The following DUSP10 variants were observed in gnomAD, a reference collection of about 807,000 sequenced individuals.
DUSP10 encodes the protein dual specificity phosphatase 10, also known as dual specificity protein phosphatase 10.
DUSP10 carries 14 observed loss-of-function variants against 30.8 expected under a neutral mutation model. The ratio of observed to expected loss-of-function variants is 0.46; its 90% CI spans 0.30 to 0.71. DUSP10 has a LOEUF of 0.71. Among genes scored for constraint, DUSP10 ranks in the 30% least tolerant of loss-of-function variants. The pLI is 0.08. For synonymous variants in DUSP10, 254 were observed against 250.4 expected, an observed-to-expected ratio of 1.01 and a Z score of -0.14; for missense variants, 550 against 619.4, an observed-to-expected ratio of 0.89 and a Z score of 1.19.
intron 2 of DUSP10, among the ~76,000 whole-genome samples, chr1:221,727,971 A>T (rs1231763227): frequency 6.6e-6 from 1 of 152,172 alleles, no homozygotes; most frequent in Non-Finnish European, 1.5e-5. Flanking sequence ...TTAAGAGGAG[A>T]TTAGGTCATG....
rs377489975 is a variant in DUSP10 at position 221,738,917 on chromosome 1, G to A, written c.811+17C>T. On this transcript the variant is annotated intron_variant, in intron 2 of 3. Coordinates refer to ENST00000366899, the MANE Select transcript of DUSP10 (RefSeq NM_007207.6). ...GGCTAATCAGGACCGTGCTTGGGAA[G>A]GGAGCAGGGGCATTACCTTTCAACA... 7 of 1,579,718 alleles carry A rather than the reference G, an allele frequency of 4.4e-6. No homozygotes were observed. The highest frequency in any genetic ancestry group is 2.2e-5 in the East Asian group (1 of 44,690).
At chr1:221,717,232 C>A (rs1449025962) in intron 2 of DUSP10, among the ~76,000 whole-genome samples, 1 of 152,064 alleles carries the variant, frequency 6.6e-6, no homozygotes, top group Non-Finnish European at 1.5e-5. Context: ...ACTCAGGGAA[C>A]CTCTGAGTGA....
intron 2 of DUSP10, among the ~76,000 whole-genome samples, chr1:221,733,271 G>A (rs1314527923): frequency 3.9e-5 from 6 of 152,242 alleles, no homozygotes; most frequent in Non-Finnish European, 7.3e-5. Flanking sequence ...AAAGGACCAA[G>A]TAGAAAAGTG....
At position 221,728,481 on chromosome 1, in the gene DUSP10, A is replaced by G. The variant is rs1353810568; in HGVS notation, c.811+10453T>C. On this transcript the variant is annotated intron_variant, in intron 2 of 3. Coordinates refer to ENST00000366899, the MANE Select transcript of DUSP10 (RefSeq NM_007207.6). ...GCCACACCTCCAGATTACCTGAGCT[A>G]TATTTGTAGGCTTAGACTGTAGAAG... is the stretch of plus-strand genomic sequence containing the variant. 3.3e-5 allele frequency among the ~76,000 whole-genome samples: 5 copies of G among 152,184 alleles called. No individual in the cohort carries two copies. In the East Asian group the frequency reaches 9.6e-4, roughly 29 times the overall value.
At chr1:221,737,244 G>T in intron 2 of DUSP10, 1 of 985,366 alleles carries the variant, frequency 1.0e-6, no homozygotes, top group Non-Finnish European at 1.2e-6. Flanking sequence ...AGACACAAAA[G>T]ACTTGCTTTT....
intron 3 of DUSP10, among the ~76,000 whole-genome samples, chr1:221,705,407 G>A (rs61820079): frequency 0.037 from 5,707 of 152,196 alleles, 200 homozygotes; most frequent in Non-Finnish European, 0.052. Context: ...CACCGCGCCC[G>A]GCGATATTTT....
chr1:221,721,748 A>G (rs551039592), intron 2 of DUSP10, among the ~76,000 whole-genome samples: 6 of 152,172 alleles, frequency 3.9e-5, no homozygotes, highest in Non-Finnish European at 8.8e-5. Flanking sequence ...TAGTCATGAA[A>G]GGGAAAAGAA....
chr1:221,708,578 A>G (rs1660835185), intron 2 of DUSP10, among the ~76,000 whole-genome samples: 1 of 152,218 alleles, frequency 6.6e-6, no homozygotes, highest in Non-Finnish European at 1.5e-5. Flanking sequence ...TCTAGAATTA[A>G]CCTCTGCCCT....
In DUSP10 at chr1:221,702,702, G is replaced by A; in HGVS notation, c.1184-25C>T. ...TCTGAAAAAAGGGAGAAAGACAAGAGATGAAGGGAAGATGGAAGAGAGAGG... is the reference window on the plus strand; with the variant it reads ...TCTGAAAAAAGGGAGAAAGACAAGAAATGAAGGGAAGATGGAAGAGAGAGG... On this transcript the variant is annotated intron_variant, in intron 3 of 3. Coordinates refer to ENST00000366899, the MANE Select transcript of DUSP10 (RefSeq NM_007207.6). This position sits in a 1 kb window ranked among gnomAD's most constrained non-coding sequence, Gnocchi z 4.5. 1 of 1,610,408 alleles carries A rather than the reference G, an allele frequency of 6.2e-7. No individual in the cohort carries two copies. The highest frequency in any genetic ancestry group is 8.5e-7 in the Non-Finnish European group (1 of 1,177,250).
At chr1:221,727,923 CTTAA>C (rs1474590834) in intron 2 of DUSP10, among the ~76,000 whole-genome samples, 4 of 152,090 alleles carry the variant, frequency 2.6e-5, no homozygotes, top group Non-Finnish European at 5.9e-5. Context: ...GTATTGGAAA[CTTAA>C]TTGTCACTGT....
At position 221,702,224 on chromosome 1, in the gene DUSP10, A is replaced by G. The variant is rs1393259151; in HGVS notation, c.*188T>C. ...TAATTTGTCAGTTTGTGGGAGGTGA[A>G]TCTCAATGGCATCAAAAGTTATAGT... is the stretch of plus-strand genomic sequence containing the variant. On this transcript the variant is annotated 3_prime_UTR_variant, in exon 4 of 4. Coordinates refer to ENST00000366899, the MANE Select transcript of DUSP10 (RefSeq NM_007207.6). This position sits in a 1 kb window ranked among gnomAD's most constrained non-coding sequence, Gnocchi z 4.5. 1 of 628,554 alleles carries G rather than the reference A, an allele frequency of 1.6e-6. No homozygotes were observed. The highest frequency in any genetic ancestry group is 1.8e-5 in the African/African-American group (1 of 54,078). 38.9% of individuals were successfully genotyped at this position (628,554 alleles called of 1,614,324 possible). A position where few individuals can be genotyped will look rare whatever the true frequency, so the allele number is the denominator to read the frequency against.
At position 221,706,031 on chromosome 1, in the gene DUSP10, T is replaced by C. The variant is rs1277524252; in HGVS notation, c.1183+64A>G. On this transcript the variant is annotated intron_variant, in intron 3 of 3. Coordinates refer to ENST00000366899, the MANE Select transcript of DUSP10 (RefSeq NM_007207.6). This position sits in a 1 kb window ranked among gnomAD's most constrained non-coding sequence, Gnocchi z 4.6. ...ACAGGAATAAACCTTGAACTTGATA[T>C]CAAAGCAAGAGCTGGAGGGAAAAGG... 10 of 1,554,020 alleles carry C rather than the reference T, an allele frequency of 6.4e-6. No individual in the cohort carries two copies. Among genetic ancestry groups the C allele is most frequent in the Non-Finnish European group, 8.7e-6 (10 of 1,150,982 alleles).
At chr1:221,719,050 A>G (rs1406055997) in intron 2 of DUSP10, among the ~76,000 whole-genome samples, 2 of 152,210 alleles carry the variant, frequency 1.3e-5, no homozygotes. Context: ...AAAATGCTGC[A>G]TCTGAGTTTG....
chr1:221,724,017 T>G (rs1183544517), intron 2 of DUSP10, among the ~76,000 whole-genome samples: 1 of 152,198 alleles, frequency 6.6e-6, no homozygotes, highest in Non-Finnish European at 1.5e-5. Context: ...TAAACACAGG[T>G]GTGATCCAAG....
chr1:221,706,082 G>A lies in DUSP10; in HGVS notation c.1183+13C>T. ...AAGGCAGCGGATGAAAATTCCCTAT[G>A]GGAGATAGTTACCAATGAACTCAAA... On this transcript the variant is annotated intron_variant, in intron 3 of 3. Coordinates refer to ENST00000366899, the MANE Select transcript of DUSP10 (RefSeq NM_007207.6). The surrounding 1 kb of genome is among the most constrained non-coding windows in gnomAD (Gnocchi z 4.6). 6.2e-7 allele frequency: 1 copy of A among 1,609,098 alleles called. No individual in the cohort carries two copies. The highest frequency in any genetic ancestry group is 8.5e-7 in the Non-Finnish European group (1 of 1,176,740).
In DUSP10 at chr1:221,706,352, T is replaced by C; in HGVS notation, c.926A>G (p.Gln309Arg). 13 of 1,607,214 alleles carry C rather than the reference T, an allele frequency of 8.1e-6. No homozygotes were observed. Among genetic ancestry groups the C allele is most frequent in the Non-Finnish European group, 1.1e-5 (13 of 1,174,644 alleles). The change falls in exon 3 of 4, where the codon CAG becomes CGG. Residue 309 changes from glutamine to arginine, a missense_variant. Physicochemically the swap from Gln to Arg is conservative, Grantham distance 43. Coordinates refer to ENST00000366899, the MANE Select transcript of DUSP10 (RefSeq NM_007207.6). The surrounding 1 kb of genome is among the most constrained non-coding windows in gnomAD (Gnocchi z 4.6). ...GATGTCAGGGGTGGTGGGGATGGGC[T>C]GAGGTAGCAAGCTCGAGGCCGCGGA... ...GASAASSLLP[Q>R]PIPTTPDIEN...
At position 221,706,416 on chromosome 1, in the gene DUSP10, G is replaced by A. The variant is rs1191496975; in HGVS notation, c.862C>T (p.Leu288Phe). The A allele has an allele frequency of 1.9e-6, 3 of 1,548,700 alleles. No individual in the cohort carries two copies. Among genetic ancestry groups the A allele is most frequent in the East Asian group, 4.5e-5 (2 of 44,362 alleles). Residue 288 changes from leucine (L) to phenylalanine (F), a missense_variant, in exon 3 of 4, where the codon CTC (leucine) becomes TTC (phenylalanine). Physicochemically the swap from Leu to Phe is conservative, Grantham distance 22. Coordinates refer to ENST00000366899, the MANE Select transcript of DUSP10 (RefSeq NM_007207.6). The surrounding 1 kb of genome is among the most constrained non-coding windows in gnomAD (Gnocchi z 4.6). ...QNHENLCDNSLQLQECREVGG... is the reference protein window; with the variant it reads ...QNHENLCDNSFQLQECREVGG... ...ACCTCCCGGCACTCTTGGAGCTGGAGGGAGTTGTCACAGAGGTTTTCATGG... is the reference window on the plus strand; with the variant it reads ...ACCTCCCGGCACTCTTGGAGCTGGAAGGAGTTGTCACAGAGGTTTTCATGG...
At chr1:221,716,186 A>G (rs542433089) in intron 2 of DUSP10, among the ~76,000 whole-genome samples, 1 of 152,334 alleles carries the variant, frequency 6.6e-6, no homozygotes, top group Admixed American at 6.5e-5. Context: ...TCCACAGAAT[A>G]TTTGTTAGAC....
chr1:221,739,585 T>C lies in DUSP10; in HGVS notation c.160A>G (p.Lys54Glu). ...GGCATATACGTCAGATTCGCAGCCT[T>C]GAGGGACACAACGGTGGTGGCGATG... The part of the protein sequence containing the change: ...PVIATTVVSL[K>E]AANLTYMPSS... The change falls in exon 2 of 4, where the codon AAG (lysine) becomes GAG (glutamate). Residue 54 changes from lysine (K) to glutamate (E), a missense_variant. Transcript: ENST00000366899. The C allele has an allele frequency of 6.2e-7, 1 of 1,614,126 alleles. No individual in the cohort carries two copies. Among genetic ancestry groups the C allele is most frequent in the East Asian group, 2.2e-5 (1 of 44,878 alleles).
Sources: gnomAD v4.1 joint callset for allele counts (sites outside exome capture counted in the v4.1 genomes callset) on GRCh38, gnomAD v4.1.1 for gene constraint, Gnocchi (gnomAD v3.1) non-coding constraint, MANE v1.5 for transcripts, NCBI Gene and HGNC (gene_info 2026-07-23, HGNC 2026-07-21) for gene names.